The following PDZK1IP1 variants were observed in gnomAD, a reference collection of about 807,000 sequenced individuals.
The protein encoded by PDZK1IP1 is PDZK1 interacting protein 1.
PDZK1IP1 carries 9 observed loss-of-function variants against 14.7 expected under a neutral mutation model. The observed-to-expected ratio is 0.61, with a 90% CI of 0.37 to 1.07. The LOEUF (loss-of-function observed/expected upper bound fraction) is 1.07, where lower values mean the gene tolerates loss of function less well. Among genes scored for constraint, PDZK1IP1 ranks in the 50% least tolerant of loss-of-function variants. The pLI is 0.01. For missense variants in PDZK1IP1, 152 were observed against 148.7 expected (o/e 1.02, Z -0.11); for synonymous variants, 70 against 61.2 (o/e 1.14, Z -0.67).
chr1:47,185,159 A>G, intron 2 of PDZK1IP1, 62 bp from the exon 3 acceptor site: 1 of 1,270,668 alleles, frequency 7.9e-7, no homozygotes, highest in Non-Finnish European at 1.2e-6. Flanking sequence ...AGCAGACCCT[A>G]TTCTGGGTCC....
chr1:47,183,870 A>T lies in PDZK1IP1; in HGVS notation c.*101T>A, dbSNP rs996342318. ...GCATGGGGCTGGAGGGAGTCAGCCC[A>T]CTATTGCAGATTCCACACAAAGAAG... On this transcript the variant is annotated 3_prime_UTR_variant, in exon 4 of 4. Transcript: ENST00000294338. 1.2e-5 allele frequency: 12 copies of T among 996,970 alleles called. No individual in the cohort carries two copies. The African/African-American group carries it at 1.9e-4, about 16-fold the overall frequency. 61.8% of individuals were successfully genotyped at this position (996,970 alleles called of 1,614,324 possible).
chr1:47,189,981 C>T lies in PDZK1IP1; in HGVS notation c.-49G>A, dbSNP rs1337342631. On this transcript the variant is annotated 5_prime_UTR_variant, in exon 1 of 4. Transcript: ENST00000294338. ...CTTCTGGCCGCCGGTGTCTGGGCTC[C>T]TGGAGCTGCTGTGGAGTCTATTGGT... 5 of 1,455,424 alleles carry T rather than the reference C, an allele frequency of 3.4e-6. No individual in the cohort carries two copies. The African/African-American group carries it at 5.6e-5, about 16-fold the overall frequency. The allele number at this position is 1,455,424 out of a possible 1,614,324, so 90.2% of individuals were successfully genotyped here.
Position 47,187,319 on chromosome 1 carries a change from G to A in PDZK1IP1, c.176C>T (p.Pro59Leu), listed in dbSNP as rs774226990. The change falls in exon 2 of 4, where the codon CCG becomes CTG. Residue 59 changes from proline (P) to leucine (L), a missense_variant and splice_region_variant. By Grantham distance (98) the Pro-to-Leu change is moderately conservative. Transcript: ENST00000294338. ...AVNHFWCQEE[P>L]EPAHMILTVG... ...TCAGGGACCCTTGGGCAGCACTCAC[G>A]GCTCCTCCTGGCACCAGAAGTGGTT... The A allele has an allele frequency of 5.6e-6, 9 of 1,610,508 alleles. No homozygotes were observed. Among genetic ancestry groups the A allele is most frequent in the South Asian group, 3.3e-5 (3 of 91,036 alleles).
At chr1:47,184,498 C>CCAAGCT (rs1645305585) in intron 3 of PDZK1IP1, among the ~76,000 whole-genome samples, 1 of 35,890 alleles carries the variant, frequency 2.8e-5, no homozygotes, top group Admixed American at 2.9e-4. Context: ...CCCCACTGAA[C>CCAAGCT]CCATCCCCCA....
chr1:47,189,996 A>C lies in PDZK1IP1; in HGVS notation c.-64T>G. 2 of 1,323,050 alleles carry C rather than the reference A, an allele frequency of 1.5e-6. No individual in the cohort carries two copies. Among genetic ancestry groups the C allele is most frequent in the African/African-American group, 1.5e-5 (1 of 67,246 alleles). 82.0% of individuals were successfully genotyped at this position (1,323,050 alleles called of 1,614,324 possible). On this transcript the variant is annotated 5_prime_UTR_variant, in exon 1 of 4. Coordinates refer to ENST00000294338, the MANE Select transcript of PDZK1IP1 (RefSeq NM_005764.4). ...GTCTGGGCTCCTGGAGCTGCTGTGG[A>C]GTCTATTGGTGTCCGCCTGAAATCA...
rs1463871210 is a variant in PDZK1IP1 at position 47,183,767 on chromosome 1, G to C, written c.*204C>G. ...TTCTGAGCTGAGCAGGAGACCCCAGGGCCACAGCCGAGCCCCAACCTAGAC... is the reference window on the plus strand; with the variant it reads ...TTCTGAGCTGAGCAGGAGACCCCAGCGCCACAGCCGAGCCCCAACCTAGAC... On this transcript the variant is annotated 3_prime_UTR_variant, in exon 4 of 4. Transcript: ENST00000294338. 1 of 608,458 alleles carries C rather than the reference G, an allele frequency of 1.6e-6. No individual in the cohort carries two copies. The highest frequency in any genetic ancestry group is 2.8e-5 in the Admixed American group (1 of 35,392). The allele number at this position is 608,458 out of a possible 1,614,324, so 37.7% of individuals were successfully genotyped here.
chr1:47,185,099 T>A lies in PDZK1IP1; in HGVS notation c.177-2A>T. On this transcript the variant is annotated splice_acceptor_variant, in intron 2 of 3. Coordinates refer to ENST00000294338, the MANE Select transcript of PDZK1IP1 (RefSeq NM_005764.4). LOFTEE classifies it high-confidence loss of function. ...GTCAGGATCATGTGTGCAGGCTCCC[T>A]GGGGATGGGATTCATCAGTGGGGCT... The A allele has an allele frequency of 6.2e-7, 1 of 1,612,116 alleles. No homozygotes were observed. Among genetic ancestry groups the A allele is most frequent in the Non-Finnish European group, 8.5e-7 (1 of 1,179,036 alleles).
At chr1:47,184,558 A>C (rs2148572268) in intron 3 of PDZK1IP1, among the ~76,000 whole-genome samples, 1 of 24,114 alleles carries the variant, frequency 4.1e-5, no homozygotes, top group Non-Finnish European at 7.7e-5. Flanking sequence ...TCCATCCCCC[A>C]CTGAGTCCAT....
chr1:47,189,404 A>G (rs1645339471), intron 1 of PDZK1IP1, among the ~76,000 whole-genome samples: 1 of 152,154 alleles, frequency 6.6e-6, no homozygotes, highest in African/African-American at 2.4e-5. Flanking sequence ...AGGGGCAGTG[A>G]TTTGCTCAAG....
intron 3 of PDZK1IP1, 139 bp from the exon 4 acceptor site, chr1:47,184,182 A>T: frequency 1.5e-6 from 1 of 686,064 alleles, no homozygotes; most frequent in Non-Finnish European, 2.5e-6. Context: ...TCCTGACCAC[A>T]TCTGGGCTTA....
rs780654833 is a variant in PDZK1IP1 at position 47,189,933 on chromosome 1, G to A, written c.-1C>T. On this transcript the variant is annotated 5_prime_UTR_variant, in exon 1 of 4. Coordinates refer to ENST00000294338, the MANE Select transcript of PDZK1IP1 (RefSeq NM_005764.4). ...GAATGAGGAGGCTGAGGGCCGACATGGCTGCAGCAGCTCCTAGCCTTGCTT... is the reference window on the plus strand; with the variant it reads ...GAATGAGGAGGCTGAGGGCCGACATAGCTGCAGCAGCTCCTAGCCTTGCTT... 74 of 1,589,796 alleles carry A rather than the reference G, an allele frequency of 4.7e-5. No individual in the cohort carries two copies. The highest frequency in any genetic ancestry group is 6.0e-5 in the Non-Finnish European group (70 of 1,176,198).
At chr1:47,187,268 A>C in intron 2 of PDZK1IP1, 51 bp downstream of exon 2, 1 of 1,250,236 alleles carries the variant, frequency 8.0e-7, no homozygotes, top group Non-Finnish European at 1.2e-6. Context: ...GAGCAAGAGC[A>C]GTGGTCCTGG....
chr1:47,185,156 C>G (rs1645311655), intron 2 of PDZK1IP1, 59 bp from the exon 3 acceptor site: 1 of 1,316,312 alleles, frequency 7.6e-7, no homozygotes, highest in African/African-American at 1.4e-5. Flanking sequence ...CCAAGCAGAC[C>G]CTATTCTGGG....
chr1:47,183,923 A>G lies in PDZK1IP1; in HGVS notation c.*48T>C. ...GGGGGCTTGGGTGGTAGCACTGGAC[A>G]TCCATCCCATGTGCCTGGGAGTCTT... On this transcript the variant is annotated 3_prime_UTR_variant, in exon 4 of 4. Coordinates refer to ENST00000294338, the MANE Select transcript of PDZK1IP1 (RefSeq NM_005764.4). 1 of 1,451,916 alleles carries G rather than the reference A, an allele frequency of 6.9e-7. No individual in the cohort carries two copies. The highest frequency in any genetic ancestry group is 9.5e-7 in the Non-Finnish European group (1 of 1,050,446). 89.9% of individuals were successfully genotyped at this position (1,451,916 alleles called of 1,614,324 possible).
At chr1:47,184,612 C>CT (rs1645307852) in intron 3 of PDZK1IP1, among the ~76,000 whole-genome samples, 1 of 54,620 alleles carries the variant, frequency 1.8e-5, no homozygotes, top group Non-Finnish European at 3.8e-5. Context: ...CCCCAGTGAA[C>CT]CCATCCCCCA....
In PDZK1IP1 at chr1:47,185,045, C is replaced by T; in HGVS notation, c.229G>A (p.Val77Met). Residue 77 changes from valine to methionine, a missense_variant, in exon 3 of 4, where the codon GTG becomes ATG. Physicochemically the swap from Val to Met is conservative, Grantham distance 21. Coordinates refer to ENST00000294338, the MANE Select transcript of PDZK1IP1 (RefSeq NM_005764.4). Reference protein sequence around the residue: ...TVGNKADGVLVGTDGRYSSMA... With the variant: ...TVGNKADGVLMGTDGRYSSMA... ...GAAGAGTACCTTCCATCTGTTCCCA[C>T]CAGGACTCCATCTGCCTTGTTTCCG... The T allele has an allele frequency of 1.2e-6, 2 of 1,613,502 alleles. No individual in the cohort carries two copies. The highest frequency in any genetic ancestry group is 1.7e-6 in the Non-Finnish European group (2 of 1,179,962).
chr1:47,184,555 C>T (rs1424978011), intron 3 of PDZK1IP1, among the ~76,000 whole-genome samples: 2 of 80,904 alleles, frequency 2.5e-5, no homozygotes, highest in Non-Finnish European at 5.0e-5. Context: ...AGCTCCATCC[C>T]CCACTGAGTC....
At chr1:47,189,012 G>C (rs1645336922) in intron 1 of PDZK1IP1, among the ~76,000 whole-genome samples, 1 of 152,150 alleles carries the variant, frequency 6.6e-6, no homozygotes, top group Non-Finnish European at 1.5e-5. Context: ...GCAGTGTCTG[G>C]GGCAGGAGAA....
chr1:47,184,041 G>C lies in PDZK1IP1; in HGVS notation c.275C>G (p.Ser92Cys). Residue 92 changes from serine to cysteine, a missense_variant and splice_region_variant, in exon 4 of 4, where the codon TCC (serine) becomes TGC (cysteine). Coordinates refer to ENST00000294338, the MANE Select transcript of PDZK1IP1 (RefSeq NM_005764.4). ...RYSSMAASFRSSEHENAYENV... is the reference protein window; with the variant it reads ...RYSSMAASFRCSEHENAYENV... The stretch of plus-strand genomic sequence containing the variant: ...CTCATAGGCATTCTCATGCTCACTG[G>C]ACCTGAAAGAAGAAGGCATGGGCCT... The C allele has an allele frequency of 6.3e-7, 1 of 1,587,060 alleles. No homozygotes were observed. Among genetic ancestry groups the C allele is most frequent in the Non-Finnish European group, 8.6e-7 (1 of 1,164,844 alleles).
Sources: allele counts gnomAD v4.1 joint callset (sites outside exome capture counted in the v4.1 genomes callset), GRCh38; gene constraint gnomAD v4.1.1; transcripts MANE v1.5; gene names NCBI Gene and HGNC (gene_info 2026-07-23, HGNC 2026-07-21).